The following NAV3 variants were observed in gnomAD, a reference collection of about 807,000 sequenced individuals.
The protein encoded by NAV3 is neuron navigator 3, also known as pore membrane and/or filament interacting like protein 1.
A neutral mutation model predicts 244.7 loss-of-function variants in NAV3; 87 were observed. The ratio of observed to expected loss-of-function variants is 0.36; its 90% CI spans 0.30 to 0.42. NAV3 has a LOEUF of 0.42. NAV3 is among the 20% of genes least tolerant of loss of function. The pLI, the probability that NAV3 is intolerant of heterozygous loss-of-function variation, is 1.00. For missense variants in NAV3, 2,663 were observed against 2,893.3 expected, an observed-to-expected ratio of 0.92 and a Z score of 1.83; for synonymous variants, 1,126 against 1,042.2, an observed-to-expected ratio of 1.08 and a Z score of -1.55.
chr12:77,712,913 G>GT (rs1297851434), intron 2 of NAV3, among the ~76,000 whole-genome samples: 9 of 152,162 alleles, frequency 5.9e-5, no homozygotes, highest in African/African-American at 2.2e-4. Flanking sequence ...CTAATAGCTG[G>GT]TTTTCTCAGC....
At chr12:78,113,662 T>C (rs1477856193) in intron 12 of NAV3, among the ~76,000 whole-genome samples, 1 of 152,074 alleles carries the variant, frequency 6.6e-6, no homozygotes, top group Non-Finnish European at 1.5e-5. Context: ...AAACCAATTT[T>C]CCCTCCTAGG....
chr12:77,719,312 T>A (rs1876505561), intron 2 of NAV3, among the ~76,000 whole-genome samples: 1 of 152,116 alleles, frequency 6.6e-6, no homozygotes, highest in Non-Finnish European at 1.5e-5. Flanking sequence ...CCTTCTTGCC[T>A]AATTGCTTTA....
chr12:77,630,184 G>A (rs1028538788), intron 2 of NAV3, among the ~76,000 whole-genome samples: 3 of 152,132 alleles, frequency 2.0e-5, no homozygotes, highest in Admixed American at 2.0e-4. Context: ...AAATTCTGGG[G>A]AGGAGGAGTG....
chr12:77,693,953 T>C (rs1875162571), intron 2 of NAV3, among the ~76,000 whole-genome samples: 1 of 152,166 alleles, frequency 6.6e-6, no homozygotes, highest in South Asian at 2.1e-4. Flanking sequence ...TAAATACTTA[T>C]GATCTCACGT....
intron 3 of NAV3, among the ~76,000 whole-genome samples, chr12:77,955,020 C>A (rs997420299): frequency 3.3e-5 from 5 of 152,076 alleles, no homozygotes; most frequent in African/African-American, 9.7e-5. Flanking sequence ...TCATTGAGCC[C>A]TTACTTATTT....
intron 13 of NAV3, among the ~76,000 whole-genome samples, chr12:78,117,655 ATAGT>A (rs1321486723): frequency 2.0e-5 from 3 of 151,666 alleles, no homozygotes. Context: ...CTAATTTTAG[ATAGT>A]TCTTGATTAA....
intron 5 of NAV3, among the ~76,000 whole-genome samples, chr12:77,974,306 G>C (rs1394512007): frequency 6.6e-6 from 1 of 151,934 alleles, no homozygotes; most frequent in Non-Finnish European, 1.5e-5. Flanking sequence ...TTTTGAGATA[G>C]AATCTTGCTC....
intron 2 of NAV3, among the ~76,000 whole-genome samples, chr12:77,725,243 G>A (rs923998332): frequency 1.6e-4 from 25 of 151,990 alleles, no homozygotes; most frequent in Middle Eastern, 6.8e-3. Context: ...GATAAGAAGA[G>A]GATAAAATAG....
chr12:77,998,248 A>G (rs1872682136), intron 6 of NAV3, 89 bp from the exon 7 acceptor site: 2 of 922,010 alleles, frequency 2.2e-6, no homozygotes, highest in South Asian at 2.7e-5. Flanking sequence ...AGAACATCAT[A>G]TGTTGTAAAT....
At chr12:77,643,113 A>G (rs1383171249) in intron 2 of NAV3, among the ~76,000 whole-genome samples, 5 of 151,958 alleles carry the variant, frequency 3.3e-5, no homozygotes, top group South Asian at 4.1e-4. Flanking sequence ...CAACAAAAAC[A>G]TATTCTCATA....
chr12:77,817,395 C>T (rs930101675), intron 2 of NAV3, among the ~76,000 whole-genome samples: 3 of 152,136 alleles, frequency 2.0e-5, no homozygotes, highest in Non-Finnish European at 2.9e-5. Context: ...ATCAAATCCT[C>T]TGGAGAAAAT....
intron 4 of NAV3, 54 bp downstream of exon 4, chr12:77,966,355 T>G: frequency 7.0e-7 from 1 of 1,425,208 alleles, no homozygotes; most frequent in African/African-American, 1.4e-5. Flanking sequence ...TTTTAAATTA[T>G]TTTTTATAAT....
intron 2 of NAV3, among the ~76,000 whole-genome samples, chr12:77,813,459 G>C (rs916454286): frequency 6.6e-6 from 1 of 152,096 alleles, no homozygotes; most frequent in African/African-American, 2.4e-5. Context: ...GATCTTAGAA[G>C]ACCCTGAAGA....
intron 2 of NAV3, among the ~76,000 whole-genome samples, chr12:77,821,068 T>C (rs1183876633): frequency 7.1e-6 from 1 of 141,044 alleles, no homozygotes; most frequent in Non-Finnish European, 1.6e-5. Flanking sequence ...CACACACACA[T>C]GTACACACAC....
chr12:77,863,742 C>G (rs752398174), intron 1 of NAV3, among the ~76,000 whole-genome samples: 1 of 151,388 alleles, frequency 6.6e-6, no homozygotes, highest in African/African-American at 2.4e-5. Context: ...AAATGGAAAT[C>G]TATATAACCA....
chr12:78,189,550 A>G (rs1015014640), intron 33 of NAV3, among the ~76,000 whole-genome samples: 1 of 141,418 alleles, frequency 7.1e-6, no homozygotes, highest in Non-Finnish European at 1.6e-5. Context: ...AAGAAAGAAC[A>G]CACACACACC....
intron 2 of NAV3, among the ~76,000 whole-genome samples, chr12:77,653,124 A>G (rs1019689684): frequency 6.6e-6 from 1 of 152,208 alleles, no homozygotes; most frequent in African/African-American, 2.4e-5. Context: ...AGGGTTACAG[A>G]ATGCAACATA....
intron 2 of NAV3, among the ~76,000 whole-genome samples, chr12:77,657,212 A>G (rs1873157446): frequency 6.6e-6 from 1 of 152,206 alleles, no homozygotes; most frequent in Non-Finnish European, 1.5e-5. Context: ...ACCACTAGCA[A>G]GACTAATAAA....
At chr12:77,605,112 T>C (rs1377090475) in intron 2 of NAV3, among the ~76,000 whole-genome samples, 2 of 152,246 alleles carry the variant, frequency 1.3e-5, no homozygotes, top group East Asian at 3.9e-4. Context: ...GAATTGTCTA[T>C]GCTGTAGAAA....
Sources: gnomAD v4.1 joint callset for allele counts (sites outside exome capture counted in the v4.1 genomes callset) on GRCh38, gnomAD v4.1.1 for gene constraint, MANE v1.5 for transcripts, NCBI Gene and HGNC (gene_info 2026-07-23, HGNC 2026-07-21) for gene names.